The following CDK13 variants were observed in gnomAD, a reference collection of about 807,000 sequenced individuals.
CDK13 encodes the protein cyclin-dependent kinase 13.
Under a neutral mutation model 137.6 loss-of-function variants are expected in CDK13, and 40 were observed. The ratio of observed to expected loss-of-function variants is 0.29; its 90% CI spans 0.23 to 0.38. The LOEUF is 0.38. CDK13 is among the 10% of genes least tolerant of loss of function. CDK13 has a pLI of 1.00. For missense variants in CDK13, 1,704 were observed against 1,951.8 expected (o/e 0.87, Z 2.39); for synonymous variants, 869 against 760.1 (o/e 1.14, Z -2.36).
At chr7:39,984,019 A>G (rs1021946645) in intron 1 of CDK13, 3 of 152,180 alleles carry the variant, frequency 2.0e-5, no homozygotes, top group Admixed American at 2.0e-4. Flanking sequence ...TAGATGTTGA[A>G]TTTGTGTTTG....
chr7:39,982,076 A>G (rs922141343), intron 1 of CDK13, among the ~76,000 whole-genome samples: 1 of 150,288 alleles, frequency 6.7e-6, no homozygotes, highest in Non-Finnish European at 1.5e-5. Context: ...CAGGTTAGTT[A>G]CATATGTATA....
At chr7:40,027,123 C>T (rs528514030) in intron 5 of CDK13, among the ~76,000 whole-genome samples, 74 of 152,242 alleles carry the variant, frequency 4.9e-4, no homozygotes, top group Non-Finnish European at 7.8e-4. Context: ...GCGGGTGGAT[C>T]GCTGGAGGTC....
intron 7 of CDK13, chr7:40,062,165 C>G (rs550395067): frequency 6.6e-6 from 1 of 152,266 alleles, no homozygotes; most frequent in East Asian, 1.9e-4. Flanking sequence ...TTGATCAGAA[C>G]CAGTCAACGC....
chr7:40,043,070 G>A (rs569618223), intron 5 of CDK13, among the ~76,000 whole-genome samples: 2 of 152,298 alleles, frequency 1.3e-5, no homozygotes, highest in South Asian at 2.1e-4. Context: ...GAGCTACCAT[G>A]CGCAGCCATC....
chr7:39,959,547 A>C lies in CDK13; in HGVS notation c.1211+7695A>C, dbSNP rs192537166. Among the ~76,000 whole-genome samples, 323 of 147,906 alleles carry C rather than the reference A, an allele frequency of 2.2e-3. 3 individuals are homozygous for C. Among genetic ancestry groups the C allele is most frequent in the Middle Eastern group, 0.011 (3 of 272 alleles). On this transcript the variant is annotated intron_variant, in intron 1 of 13. Transcript: ENST00000181839. ...GCAGTGGCACCATCTGCTCACTGCA[A>C]CCTCCACCTCCCAGCTCAAGTGATC...
At chr7:39,970,442 T>G (rs538620045) in intron 1 of CDK13, among the ~76,000 whole-genome samples, 6 of 150,202 alleles carry the variant, frequency 4.0e-5, no homozygotes, top group African/African-American at 1.5e-4. Context: ...TACATTTTCA[T>G]CTTGTCTTTT....
chr7:40,094,983 A>G lies in CDK13; in HGVS notation c.*3A>G, dbSNP rs749421685. 12 of 1,369,964 alleles carry G rather than the reference A, an allele frequency of 8.8e-6. No individual in the cohort carries two copies. The highest frequency in any genetic ancestry group is 2.5e-5 in the South Asian group (1 of 39,626). 84.9% of individuals were successfully genotyped at this position (1,369,964 alleles called of 1,614,324 possible). On this transcript the variant is annotated 3_prime_UTR_variant, in exon 14 of 14. Transcript: ENST00000181839. ...GAGGCAGAGGGTTACCATACTGAGT[A>G]TCTGTTTTTCCTCAGGCACATCATT...
intron 7 of CDK13, among the ~76,000 whole-genome samples, chr7:40,056,543 C>G (rs1786023962): frequency 6.6e-6 from 1 of 152,130 alleles, no homozygotes; most frequent in Admixed American, 6.5e-5. Context: ...TGTAGGTATT[C>G]TCTAGATGGA....
chr7:40,085,445 A>G (rs1245522727), intron 11 of CDK13, among the ~76,000 whole-genome samples: 4 of 152,098 alleles, frequency 2.6e-5, no homozygotes, highest in African/African-American at 9.7e-5. Flanking sequence ...TTAATGGATT[A>G]CTTTGCTTTG....
At chr7:39,963,609 C>A (rs1354519810) in intron 1 of CDK13, among the ~76,000 whole-genome samples, 1 of 152,064 alleles carries the variant, frequency 6.6e-6, no homozygotes, top group East Asian at 1.9e-4. Flanking sequence ...AATTGAATAC[C>A]CTTTATTTCC....
chr7:40,006,777 G>C (rs1230755849), intron 5 of CDK13, among the ~76,000 whole-genome samples: 1 of 152,124 alleles, frequency 6.6e-6, no homozygotes, highest in Admixed American at 6.5e-5. Flanking sequence ...GTGAGACTGT[G>C]TCTCAAATTA....
At chr7:40,050,157 C>T (rs1276730434) in intron 7 of CDK13, among the ~76,000 whole-genome samples, 10 of 151,908 alleles carry the variant, frequency 6.6e-5, no homozygotes, top group Non-Finnish European at 1.5e-4. Context: ...TCTTAGTGGA[C>T]GCTTAACGTT....
intron 11 of CDK13, among the ~76,000 whole-genome samples, chr7:40,083,305 T>C (rs1487711249): frequency 9.8e-6 from 1 of 102,150 alleles, no homozygotes; most frequent in African/African-American, 3.6e-5. Flanking sequence ...ACCCTGTCTT[T>C]ACAAAAAAAA....
At chr7:39,992,617 CAG>C (rs1261364447) in intron 2 of CDK13, among the ~76,000 whole-genome samples, 6 of 151,876 alleles carry the variant, frequency 4.0e-5, no homozygotes, top group South Asian at 4.2e-4. Context: ...GTTAATCTAA[CAG>C]AAATAAATAA....
chr7:40,016,708 G>T (rs1027408924), intron 5 of CDK13, among the ~76,000 whole-genome samples: 1 of 151,876 alleles, frequency 6.6e-6, no homozygotes, highest in African/African-American at 2.4e-5. Flanking sequence ...TACATAAGGT[G>T]GGGCAAAAAG....
rs73392718 is a variant in CDK13, at chr7:40,029,025, C to G, written c.2354-16811C>G. The stretch of plus-strand genomic sequence containing the variant: ...ATCATGGGTTTGAGCTGCATGGGTT[C>G]ACTTATATGCAGATTTTTAAAATAA... On this transcript the variant is annotated intron_variant, in intron 5 of 13. Transcript: ENST00000181839. Among the ~76,000 whole-genome samples, 951 of 151,710 alleles carry G rather than the reference C, an allele frequency of 6.3e-3. 13 individuals are homozygous for G. Among genetic ancestry groups the G allele is most frequent in the African/African-American group, 0.021 (879 of 41,424 alleles).
chr7:39,990,959 A>T (rs1784442914), intron 2 of CDK13, among the ~76,000 whole-genome samples: 1 of 152,244 alleles, frequency 6.6e-6, no homozygotes, highest in Non-Finnish European at 1.5e-5. Flanking sequence ...TACATTGTAT[A>T]ATATATAAAC....
At position 39,951,840 on chromosome 7, in the gene CDK13, G is replaced by A. The variant is rs1583895233; in HGVS notation, c.1199G>A (p.Ser400Asn). The A allele has an allele frequency of 1.4e-6, 2 of 1,422,920 alleles. No individual in the cohort carries two copies. Among genetic ancestry groups the A allele is most frequent in the Non-Finnish European group, 1.8e-6 (2 of 1,093,196 alleles). The allele number at this position is 1,422,920 out of a possible 1,614,324, so 88.1% of individuals were successfully genotyped here. ...TGGCGCCGCTCTCGCAGTCCCTACAGCCCTGTGCTCAGGTGAGTTCTGCCG... is the reference window on the plus strand; with the variant it reads ...TGGCGCCGCTCTCGCAGTCCCTACAACCCTGTGCTCAGGTGAGTTCTGCCG... Reference protein sequence around the residue: ...SSWRRSRSPYSPVLRRSGKSR... With the variant: ...SSWRRSRSPYNPVLRRSGKSR... The change falls in exon 1 of 14, where the codon AGC becomes AAC. Residue 400 changes from serine to asparagine, a missense_variant. Around this residue, in one of 5 missense-constraint regions of CDK13, gnomAD observed 1,051 missense variants for 931.0 expected, o/e 1.13. Coordinates refer to ENST00000181839, the MANE Select transcript of CDK13 (RefSeq NM_003718.5).
chr7:40,019,881 C>G (rs1441147621), intron 5 of CDK13, among the ~76,000 whole-genome samples: 1 of 152,098 alleles, frequency 6.6e-6, no homozygotes, highest in Non-Finnish European at 1.5e-5. Flanking sequence ...TTATCAGAAA[C>G]TCAGTGTATG....
Sources: gnomAD v4.1 joint callset for allele counts (sites outside exome capture counted in the v4.1 genomes callset) on GRCh38, gnomAD v4.1.1 for gene constraint, gnomAD v4.1.1 regional missense constraint, MANE v1.5 for transcripts, NCBI Gene and HGNC (gene_info 2026-07-23, HGNC 2026-07-21) for gene names.